The following GARNL3 variants were observed in gnomAD, a reference collection of about 807,000 sequenced individuals.
The protein encoded by GARNL3 is GTPase-activating Rap/Ran-GAP domain-like protein 3.
GARNL3 carries 63 observed loss-of-function variants against 125.0 expected under a neutral mutation model. That is an observed-to-expected ratio of 0.50 (90% CI 0.41 to 0.62). The LOEUF (loss-of-function observed/expected upper bound fraction) is 0.62, where lower values mean the gene tolerates loss of function less well. Among genes scored for constraint, GARNL3 ranks in the 20% least tolerant of loss-of-function variants. The pLI, the probability that GARNL3 is intolerant of heterozygous loss-of-function variation, is 0.00. For synonymous variants in GARNL3, 439 were observed against 457.5 expected (o/e 0.96, Z 0.52); for missense variants, 994 against 1,244.0 (o/e 0.80, Z 3.02).
chr9:127,338,510 A>G (rs1037347275), intron 12 of GARNL3, among the ~76,000 whole-genome samples: 6 of 152,248 alleles, frequency 3.9e-5, no homozygotes, highest in African/African-American at 1.4e-4. Context: ...TGTTGTAAAA[A>G]GAACCTGAAC....
At chr9:127,230,985 CAT>C (rs1428714318) in intron 1 of GARNL3, among the ~76,000 whole-genome samples, 8 of 136,808 alleles carry the variant, frequency 5.8e-5, no homozygotes, top group East Asian at 4.1e-4. Flanking sequence ...TGTGTATACA[CAT>C]ATATGTATAT....
At chr9:127,383,985 G>A (rs889545555) in intron 23 of GARNL3, among the ~76,000 whole-genome samples, 1 of 152,200 alleles carries the variant, frequency 6.6e-6, no homozygotes, top group Non-Finnish European at 1.5e-5. Context: ...CCACTAAAAT[G>A]TCAGGACATG....
intron 2 of GARNL3, among the ~76,000 whole-genome samples, chr9:127,252,731 G>A (rs547071285): frequency 6.6e-6 from 1 of 152,226 alleles, no homozygotes; most frequent in South Asian, 2.1e-4. Context: ...TCTTTGTTTT[G>A]GAATTTTTTG....
chr9:127,237,166 C>T (rs1240442623), intron 1 of GARNL3, among the ~76,000 whole-genome samples: 3 of 152,188 alleles, frequency 2.0e-5, no homozygotes, highest in African/African-American at 7.2e-5. Context: ...AGGAAAGCTG[C>T]CGCATCATGT....
upstream of GARNL3, among the ~76,000 whole-genome samples, chr9:127,262,334 G>A (rs2063611180): frequency 6.6e-6 from 1 of 152,174 alleles, no homozygotes; most frequent in Admixed American, 6.5e-5. Flanking sequence ...TTCATGGTGT[G>A]GCCTTCCATG....
At chr9:127,254,212 A>C (rs771573841) in intron 2 of GARNL3, among the ~76,000 whole-genome samples, 1 of 152,224 alleles carries the variant, frequency 6.6e-6, no homozygotes, top group Non-Finnish European at 1.5e-5. Context: ...GGAACTGGAC[A>C]TTTACTGATT....
chr9:127,376,656 A>G (rs1357456080), intron 22 of GARNL3, among the ~76,000 whole-genome samples: 1 of 152,128 alleles, frequency 6.6e-6, no homozygotes, highest in Non-Finnish European at 1.5e-5. Flanking sequence ...GAAAAACAGT[A>G]CATCTTTTAT....
At chr9:127,365,155 T>C (rs1388915952) in intron 21 of GARNL3, 145 bp from the exon 22 acceptor site, 1 of 675,376 alleles carries the variant, frequency 1.5e-6, no homozygotes, top group Non-Finnish European at 2.7e-6. Context: ...CCAATGTGCA[T>C]TGTGGGTGCT....
Position 127,355,460 on chromosome 9 carries a change from C to T in GARNL3, c.1923C>T (p.Phe641=). 1.2e-6 allele frequency: 2 copies of T among 1,614,148 alleles called. No individual in the cohort carries two copies. Among genetic ancestry groups the T allele is most frequent in the African/African-American group, 1.3e-5 (1 of 75,052 alleles). ...TGTCTGAGTCACCTGTTGAAGAATT[C>T]CAGTACATCAGGGTAGGTTTGCTCT... ...SPLSESPVEE[F]QYIREICLSD... is the part of the protein sequence containing the mutation. Residue 641 remains phenylalanine, a synonymous_variant, in exon 20 of 28, where the codon TTC becomes TTT. Coordinates refer to ENST00000373387, the MANE Select transcript of GARNL3 (RefSeq NM_032293.5).
intron 1 of GARNL3, among the ~76,000 whole-genome samples, chr9:127,277,701 C>T (rs2063992532): frequency 6.6e-6 from 1 of 152,030 alleles, no homozygotes; most frequent in African/African-American, 2.4e-5. Flanking sequence ...GACCTTTACC[C>T]ACCATTGCCC....
At chr9:127,328,119 C>T (rs1048646956) in intron 7 of GARNL3, among the ~76,000 whole-genome samples, 12 of 152,282 alleles carry the variant, frequency 7.9e-5, no homozygotes, top group East Asian at 1.9e-4. Context: ...CCTGAAAGAA[C>T]GCCTGTTCAC....
rs1403121020 is a variant in GARNL3 at position 127,266,851 on chromosome 9, C to T, written c.144+1830C>T. 6.6e-6 allele frequency among the ~76,000 whole-genome samples: 1 copy of T among 152,124 alleles called. No homozygotes were observed. Among genetic ancestry groups the T allele is most frequent in the Non-Finnish European group, 1.5e-5 (1 of 68,018 alleles). On this transcript the variant is annotated intron_variant, in intron 1 of 27. Coordinates refer to ENST00000373387, the MANE Select transcript of GARNL3 (RefSeq NM_032293.5). This position sits in a 1 kb window ranked among gnomAD's most constrained non-coding sequence, Gnocchi z 4.0. ...TGACAACATTACTTGGGGGAGATAA[C>T]ATGGGTGTGAAAGATGGACTCTTTA...
At chr9:127,388,482 T>C in intron 25 of GARNL3, 1 of 222,860 alleles carries the variant, frequency 4.5e-6, no homozygotes, top group Non-Finnish European at 9.0e-6. Flanking sequence ...ACATGCAGTC[T>C]TTCACTCTAT....
At chr9:127,296,464 CTTTTTTTTTTTT>C (rs777082855) in intron 2 of GARNL3, among the ~76,000 whole-genome samples, 10 of 87,112 alleles carry the variant, frequency 1.1e-4, no homozygotes, top group East Asian at 3.5e-4. Flanking sequence ...GTAGGCATGA[CTTTTTTTTTTTT>C]TTTTTTTTTT....
At chr9:127,389,921 TAAAA>T (rs1169168184) in intron 26 of GARNL3, among the ~76,000 whole-genome samples, 10 of 78,682 alleles carry the variant, frequency 1.3e-4, no homozygotes, top group Admixed American at 4.5e-4. Context: ...ACCCTGTCTT[TAAAA>T]AAAAAAAAAA....
chr9:127,246,482 T>TAGCAC (rs1184914057), intron 2 of GARNL3, among the ~76,000 whole-genome samples: 1 of 151,972 alleles, frequency 6.6e-6, no homozygotes, highest in African/African-American at 2.4e-5. Flanking sequence ...GCACAAAATA[T>TAGCAC]AAGATAGAAT....
chr9:127,267,081 C>T (rs76944664), intron 1 of GARNL3, among the ~76,000 whole-genome samples: 86 of 152,260 alleles, frequency 5.6e-4, no homozygotes, highest in African/African-American at 2.0e-3. Context: ...ATTGATATTG[C>T]TGGTCCCAGG....
chr9:127,319,206 C>T (rs575911867), intron 5 of GARNL3, among the ~76,000 whole-genome samples: 14 of 152,120 alleles, frequency 9.2e-5, no homozygotes, highest in Non-Finnish European at 2.1e-4. Context: ...GCACCAAGGC[C>T]GGGCGCAATG....
Position 127,357,345 on chromosome 9 carries a change from G to T in GARNL3, c.2062G>T (p.Ala688Ser). 3 of 1,614,128 alleles carry T rather than the reference G, an allele frequency of 1.9e-6. No individual in the cohort carries two copies. Among genetic ancestry groups the T allele is most frequent in the Non-Finnish European group, 2.5e-6 (3 of 1,180,034 alleles). ...FDVVNESTGEAFRLHHVEANR... is the reference protein window; with the variant it reads ...FDVVNESTGESFRLHHVEANR... ...TGTGGTGAATGAGAGCACAGGAGAA[G>T]CCTTCAGGCTGCACCACGTGGAGGC... Residue 688 changes from alanine to serine, a missense_variant, in exon 21 of 28, where the codon GCC (alanine) becomes TCC (serine). Ala to Ser is a moderately conservative substitution (Grantham distance 99). Around this residue, in one of 5 missense-constraint regions of GARNL3, gnomAD observed 728 missense variants for 865.7 expected, o/e 0.84. Coordinates refer to ENST00000373387, the MANE Select transcript of GARNL3 (RefSeq NM_032293.5).
Sources: allele counts gnomAD v4.1 joint callset (sites outside exome capture counted in the v4.1 genomes callset), GRCh38; gene constraint gnomAD v4.1.1; regional missense constraint gnomAD v4.1.1; non-coding constraint Gnocchi (gnomAD v3.1); transcripts MANE v1.5; gene names NCBI Gene and HGNC (gene_info 2026-07-23, HGNC 2026-07-21).